KCNIP4: variants seen among roughly 807,000 people sequenced by gnomAD.
The protein encoded by KCNIP4 is potassium voltage-gated channel interacting protein 4.
Under a neutral mutation model 34.0 loss-of-function variants are expected in KCNIP4, and 12 were observed. The observed-to-expected ratio is 0.35, with a 90% CI of 0.23 to 0.57. KCNIP4 has a LOEUF of 0.57. Ranked by LOEUF, KCNIP4 falls within the 20% of genes least tolerant of loss-of-function variation. The pLI is 0.83. For missense variants in KCNIP4, 238 were observed against 311.7 expected (o/e 0.76, Z 1.78); for synonymous variants, 124 against 102.2 (o/e 1.21, Z -1.29).
chr4:21,271,894 G>A (rs1267266123), intron 1 of KCNIP4, among the ~76,000 whole-genome samples: 1 of 152,152 alleles, frequency 6.6e-6, no homozygotes, highest in African/African-American at 2.4e-5. Flanking sequence ...GATAGGGCAA[G>A]GCAGAGAGGT....
rs377265525 is a variant in KCNIP4, at chr4:21,743,437, G to A, written c.61+205134C>T. 1.6e-4 allele frequency among the ~76,000 whole-genome samples: 24 copies of A among 147,404 alleles called. No homozygotes were observed. The East Asian group carries it at 4.6e-3, about 28-fold the overall frequency. On this transcript the variant is annotated intron_variant, in intron 1 of 8. Transcript: ENST00000382152. ...TTTTTTTTAACTTATAGAGAATCTT[G>A]TGATTACATCAGGCTCACCCAGGAA...
chr4:21,400,455 T>A (rs1421551486), intron 1 of KCNIP4, among the ~76,000 whole-genome samples: 1 of 113,082 alleles, frequency 8.8e-6, no homozygotes, highest in Non-Finnish European at 1.6e-5. Flanking sequence ...ATTTCCTATT[T>A]TTCTTTCTGT....
chr4:21,110,043 C>T lies in KCNIP4; in HGVS notation c.62-227334G>A, dbSNP rs143626330. Among the ~76,000 whole-genome samples, 407 of 152,192 alleles carry T rather than the reference C, an allele frequency of 2.7e-3. 4 individuals carry two copies. Among genetic ancestry groups the T allele is most frequent in the African/African-American group, 9.3e-3 (384 of 41,512 alleles). On this transcript the variant is annotated intron_variant, in intron 1 of 8. Coordinates refer to ENST00000382152, the MANE Select transcript of KCNIP4 (RefSeq NM_025221.6). ...CTCATCAGGTCTTCTAGAACAATTG[C>T]CTGCTCTACTATTAACTATGTTGCT...
chr4:21,010,226 G>A (rs1468138718), intron 1 of KCNIP4, among the ~76,000 whole-genome samples: 2 of 152,100 alleles, frequency 1.3e-5, no homozygotes, highest in African/African-American at 4.8e-5. Flanking sequence ...TCTTTGATTC[G>A]TTGTTATAGG....
rs1274103811 is a variant in KCNIP4 at position 21,757,163 on chromosome 4, GA to G, written c.61+191407del. On this transcript the variant is annotated intron_variant, in intron 1 of 8. Coordinates refer to ENST00000382152, the MANE Select transcript of KCNIP4 (RefSeq NM_025221.6). ...AGAAAGAAAGAAAGAAAGAAAGAAA[GA>G]AAGAAGGAAGGAAGGAAGGAAGGAA... Among the ~76,000 whole-genome samples, 3 of 52,992 alleles carry G rather than the reference GA, an allele frequency of 5.7e-5. 1 individual carries two copies. The highest frequency in any genetic ancestry group is 2.2e-4 in the African/African-American group (3 of 13,504). 34.8% of individuals were successfully genotyped at this position (52,992 alleles called of 152,430 possible). A position where few individuals can be genotyped will look rare whatever the true frequency, so the allele number is the denominator to read the frequency against.
chr4:21,347,630 G>A (rs1717582103), intron 1 of KCNIP4, among the ~76,000 whole-genome samples: 1 of 152,188 alleles, frequency 6.6e-6, no homozygotes, highest in Admixed American at 6.5e-5. Context: ...CGCTCTAACA[G>A]GCATCTGCAG....
Position 21,374,867 on chromosome 4 carries a change from TC to T in KCNIP4, c.62-492159del, listed in dbSNP as rs752193395. Among the ~76,000 whole-genome samples, 19 of 147,404 alleles carry T rather than the reference TC, an allele frequency of 1.3e-4. 1 individual carries two copies. Among genetic ancestry groups the T allele is most frequent in the Non-Finnish European group, 1.9e-4 (13 of 68,024 alleles). On this transcript the variant is annotated intron_variant, in intron 1 of 8. Transcript: ENST00000382152. ...GCTGGGCAGAGAGCCTCAGGCATGC[TC>T]CCCATTCCTGTGCAGAGGGCACAGC...
chr4:20,843,677 T>C (rs10003410), intron 3 of KCNIP4, among the ~76,000 whole-genome samples: 59,017 of 151,616 alleles, frequency 0.39, 11,931 homozygotes, highest in Non-Finnish European at 0.46. Flanking sequence ...TTTCAGTGAG[T>C]GGAGATCGCG....
intron 1 of KCNIP4, among the ~76,000 whole-genome samples, chr4:20,938,666 C>T (rs954567853): frequency 6.6e-6 from 1 of 152,164 alleles, no homozygotes; most frequent in African/African-American, 2.4e-5. Context: ...CAATGCCTCC[C>T]TATCAAACCC....
chr4:21,587,184 T>A (rs907314046), intron 1 of KCNIP4, among the ~76,000 whole-genome samples: 1 of 152,062 alleles, frequency 6.6e-6, no homozygotes, highest in Non-Finnish European at 1.5e-5. Context: ...GGATTTATTA[T>A]CTGAGGGCAG....
chr4:21,301,782 A>ATCTATTCAT (rs1711740821), intron 1 of KCNIP4, among the ~76,000 whole-genome samples: 1 of 152,162 alleles, frequency 6.6e-6, no homozygotes, highest in Admixed American at 6.5e-5. Context: ...AGCTATATCA[A>ATCTATTCAT]TCTATTCATT....
chr4:20,906,473 C>T (rs1179995284), intron 1 of KCNIP4, among the ~76,000 whole-genome samples: 1 of 152,182 alleles, frequency 6.6e-6, no homozygotes, highest in Non-Finnish European at 1.5e-5. Context: ...TCAGGCAACA[C>T]GTTTCTGCCA....
chr4:20,802,815 C>T (rs1380932565), intron 3 of KCNIP4, among the ~76,000 whole-genome samples: 1 of 152,114 alleles, frequency 6.6e-6, no homozygotes, highest in East Asian at 1.9e-4. Context: ...GTGGCTCACG[C>T]CTGTAATCCG....
intron 3 of KCNIP4, among the ~76,000 whole-genome samples, chr4:20,818,202 T>A (rs921355947): frequency 1.3e-5 from 2 of 152,170 alleles, no homozygotes; most frequent in African/African-American, 4.8e-5. Context: ...AAATGATGTC[T>A]CCAATACCAA....
chr4:21,158,242 T>A (rs1270582217), intron 1 of KCNIP4, among the ~76,000 whole-genome samples: 1 of 152,078 alleles, frequency 6.6e-6, no homozygotes, highest in African/African-American at 2.4e-5. Flanking sequence ...GGGGAGATTA[T>A]ACAAATTCAA....
chr4:21,832,414 C>T (rs1723041593), intron 1 of KCNIP4, among the ~76,000 whole-genome samples: 1 of 151,912 alleles, frequency 6.6e-6, no homozygotes, highest in Non-Finnish European at 1.5e-5. Context: ...ATGGCAATGC[C>T]AGAGACAGAC....
At chr4:21,531,339 TC>T (rs1736658923) in intron 1 of KCNIP4, among the ~76,000 whole-genome samples, 1 of 61,482 alleles carries the variant, frequency 1.6e-5, no homozygotes, top group Non-Finnish European at 3.1e-5. Flanking sequence ...CTCCCTCCCT[TC>T]CCCTCCCCCT....
intron 1 of KCNIP4, among the ~76,000 whole-genome samples, chr4:21,221,994 C>T (rs139368759): frequency 6.6e-6 from 1 of 152,254 alleles, no homozygotes; most frequent in Non-Finnish European, 1.5e-5. Context: ...TATTTAGACA[C>T]ATCTATCAGA....
intron 1 of KCNIP4, among the ~76,000 whole-genome samples, chr4:21,488,405 T>C (rs992442686): frequency 2.0e-5 from 3 of 152,186 alleles, no homozygotes; most frequent in African/African-American, 4.8e-5. Context: ...CTACCATTTT[T>C]AAATTATTTC....
Sources: allele counts gnomAD v4.1 joint callset (sites outside exome capture counted in the v4.1 genomes callset), GRCh38; gene constraint gnomAD v4.1.1; transcripts MANE v1.5; gene names NCBI Gene and HGNC (gene_info 2026-07-23, HGNC 2026-07-21).